ROBO2: variants seen among roughly 807,000 people sequenced by gnomAD.
ROBO2 encodes the protein roundabout guidance receptor 2.
ROBO2 carries 53 observed loss-of-function variants against 160.8 expected under a neutral mutation model. The ratio of observed to expected loss-of-function variants is 0.33; its 90% confidence interval spans 0.26 to 0.41. ROBO2 has a LOEUF of 0.41. Ranked by LOEUF, ROBO2 falls within the 10% of genes least tolerant of loss-of-function variation. The pLI is 1.00. For synonymous variants in ROBO2, 664 were observed against 611.7 expected (o/e 1.09, Z -1.26); for missense variants, 1,577 against 1,722.4 (o/e 0.92, Z 1.49).
At position 77,254,243 on chromosome 3, in the gene ROBO2, G is replaced by A. The variant is rs2090688221; in HGVS notation, c.388+155903G>A. Among the ~76,000 whole-genome samples the A allele has an allele frequency of 2.0e-5, 3 of 152,126 alleles. No individual in the cohort carries two copies. In the South Asian group the frequency reaches 6.2e-4, roughly 32 times the overall value. On this transcript the variant is annotated intron_variant, in intron 2 of 25. Coordinates refer to ENST00000461745, the Ensembl canonical transcript of ROBO2. ...TGATTGCCACTCCACTAGAGCCTGA[G>A]TGACAGAGACCCTATCTCAAAAAGA...
chr3:77,223,353 A>G (rs968278379), intron 2 of ROBO2, among the ~76,000 whole-genome samples: 4 of 152,146 alleles, frequency 2.6e-5, no homozygotes, highest in Non-Finnish European at 5.9e-5. Flanking sequence ...TTTAACGGAT[A>G]TTGAAACTAA....
intron 2 of ROBO2, among the ~76,000 whole-genome samples, chr3:76,495,258 A>C (rs2080085575): frequency 6.7e-6 from 1 of 150,218 alleles, no homozygotes; most frequent in African/African-American, 2.5e-5. Flanking sequence ...AGACACACAC[A>C]AAAAATGTAA....
intron 2 of ROBO2, among the ~76,000 whole-genome samples, chr3:76,140,676 A>G (rs2071599424): frequency 6.6e-6 from 1 of 151,820 alleles, no homozygotes; most frequent in Non-Finnish European, 1.5e-5. Context: ...CATGTTAAAA[A>G]GTGTGTCCAA....
At chr3:76,185,915 T>C (rs191257312) in intron 2 of ROBO2, among the ~76,000 whole-genome samples, 1 of 147,240 alleles carries the variant, frequency 6.8e-6, no homozygotes, top group African/African-American at 2.5e-5. Flanking sequence ...ATAGATTCAT[T>C]TCTCATTAAA....
chr3:77,244,092 T>G (rs2089406685), intron 2 of ROBO2, among the ~76,000 whole-genome samples: 1 of 152,222 alleles, frequency 6.6e-6, no homozygotes, highest in African/African-American at 2.4e-5. Context: ...CATTATAATA[T>G]ACGTAAGTGT....
chr3:77,274,768 TACTTAC>T (rs1012858757), intron 2 of ROBO2, among the ~76,000 whole-genome samples: 134 of 152,078 alleles, frequency 8.8e-4, no homozygotes, highest in Non-Finnish European at 9.7e-4. Flanking sequence ...TAAAAATCAG[TACTTAC>T]ACTGGATAGT....
At chr3:77,001,679 T>C (rs1407307427) in intron 2 of ROBO2, among the ~76,000 whole-genome samples, 1 of 152,182 alleles carries the variant, frequency 6.6e-6, no homozygotes, top group Non-Finnish European at 1.5e-5. Context: ...CAAGATTCTC[T>C]ATGTGTGGGC....
intron 2 of ROBO2, among the ~76,000 whole-genome samples, chr3:76,907,381 C>T (rs1007616182): frequency 2.6e-5 from 4 of 152,068 alleles, no homozygotes; most frequent in African/African-American, 7.2e-5. Context: ...TACAGTAGAA[C>T]GAGACTGGAT....
chr3:76,959,837 CATT>C lies in ROBO2; in HGVS notation c.110-138173_110-138171del, dbSNP rs768259589. The stretch of plus-strand genomic sequence containing the variant: ...AGTTGTTAGCTTGTAAGAATAAAGT[CATT>C]ATTCACTCTTAAGCATATGAAAAAA... On this transcript the variant is annotated intron_variant, in intron 2 of 26. Transcript: ENST00000487694. Among the ~76,000 whole-genome samples, 3 of 152,124 alleles carry C rather than the reference CATT, an allele frequency of 2.0e-5. No individual in the cohort carries two copies. The East Asian group carries it at 5.8e-4, about 29-fold the overall frequency.
intron 2 of ROBO2, among the ~76,000 whole-genome samples, chr3:76,811,831 TTCCTTCTTTCCTTCCTTCCTTCC>T (rs2065203222): frequency 3.7e-5 from 2 of 54,618 alleles, no homozygotes; most frequent in Non-Finnish European, 4.0e-5. Flanking sequence ...CCTTCCTTCC[TTCCTTCTTTCCTTCCTTCCTTCC>T]TTCCTTCCTT....
intron 2 of ROBO2, among the ~76,000 whole-genome samples, chr3:77,333,522 T>C (rs1415720774): frequency 1.3e-5 from 2 of 152,218 alleles, no homozygotes; most frequent in African/African-American, 4.8e-5. Context: ...TTAATGCATA[T>C]GTTTATGTAG....
chr3:76,011,653 AG>A lies in ROBO2; in HGVS notation c.109+74056del, dbSNP rs373912195. Among the ~76,000 whole-genome samples, 130 of 152,290 alleles carry A rather than the reference AG, an allele frequency of 8.5e-4. 2 individuals carry two copies. The highest frequency in any genetic ancestry group is 7.7e-3 in the South Asian group (37 of 4,822). ...CAAGGGGAAATATAGGGGAAGAGGG[AG>A]GGGGAACTTAAATATTGGGGATAAA... On this transcript the variant is annotated intron_variant, in intron 2 of 26. Transcript: ENST00000487694.
intron 6 of ROBO2, among the ~76,000 whole-genome samples, chr3:77,527,735 C>CT (rs2091300922): frequency 6.6e-6 from 1 of 151,250 alleles, no homozygotes; most frequent in African/African-American, 2.4e-5. Context: ...CATTGCTCTC[C>CT]TTTTTTGTAT....
intron 2 of ROBO2, chr3:77,316,668 T>C (rs970142962): frequency 5.9e-6 from 4 of 678,026 alleles, no homozygotes; most frequent in Non-Finnish European, 1.1e-5. Context: ...TGCATCCCAG[T>C]CATACAATAT....
At chr3:76,766,119 C>T (rs1157896326) in intron 2 of ROBO2, among the ~76,000 whole-genome samples, 1 of 151,666 alleles carries the variant, frequency 6.6e-6, no homozygotes, top group East Asian at 2.0e-4. Context: ...GTGCCTGAAA[C>T]CATTGCCTGA....
At chr3:76,632,374 T>G (rs889713152) in intron 2 of ROBO2, among the ~76,000 whole-genome samples, 3 of 152,198 alleles carry the variant, frequency 2.0e-5, no homozygotes, top group African/African-American at 7.2e-5. Context: ...TTAGCCTGTT[T>G]AAGTACATCA....
chr3:76,879,199 T>C (rs1281805316), intron 2 of ROBO2, among the ~76,000 whole-genome samples: 2 of 152,218 alleles, frequency 1.3e-5, no homozygotes, highest in Non-Finnish European at 2.9e-5. Context: ...ATTGAAAACA[T>C]AGTCGAAGGA....
At chr3:76,732,558 T>A (rs1437777002) in intron 2 of ROBO2, among the ~76,000 whole-genome samples, 1 of 152,206 alleles carries the variant, frequency 6.6e-6, no homozygotes. Context: ...AGTTGATTTT[T>A]AAAATTTTTC....
intron 1 of ROBO2, chr3:77,092,021 A>C (rs567353567): frequency 6.8e-6 from 1 of 148,056 alleles, no homozygotes; most frequent in East Asian, 1.9e-4. Flanking sequence ...ATAAATAAAT[A>C]AATAAAAAGA....
Sources: allele counts gnomAD v4.1 joint callset (sites outside exome capture counted in the v4.1 genomes callset), GRCh38; gene constraint gnomAD v4.1.1; transcripts MANE v1.5; gene names NCBI Gene and HGNC (gene_info 2026-07-23, HGNC 2026-07-21).